Variants in NLGN4X observed in about 807,000 individuals in gnomAD.
NLGN4X encodes neuroligin-4, X-linked.
Under a neutral mutation model 40.3 loss-of-function variants are expected in NLGN4X, and 3 were observed. The observed-to-expected ratio is 0.07, with a 90% CI of 0.03 to 0.19. The LOEUF (loss-of-function observed/expected upper bound fraction) is 0.19, where lower values mean the gene tolerates loss of function less well. NLGN4X is among the 10% of genes least tolerant of loss of function. NLGN4X has a pLI of 1.00. For synonymous variants in NLGN4X, 270 were observed against 306.8 expected, an observed-to-expected ratio of 0.88 and a Z score of 1.25; for missense variants, 382 against 708.3, an observed-to-expected ratio of 0.54 and a Z score of 5.23.
intron 5 of NLGN4X, 55 bp downstream of exon 5, chrX:5,903,022 G>T: frequency 8.4e-7 from 1 of 1,188,532 alleles, no homozygotes; most frequent in African/African-American, 1.7e-5. Context: ...CACCTATATT[G>T]AGGACACAAA....
chrX:6,110,766 CTAACAAA>C (rs1305759204), intron 2 of NLGN4X, among the ~76,000 whole-genome samples: 1 of 111,834 alleles, frequency 8.9e-6, no homozygotes, highest in Non-Finnish European at 1.9e-5. Context: ...GAGACTCTGG[CTAACAAA>C]TTTTTGAGTG....
intron 3 of NLGN4X, among the ~76,000 whole-genome samples, chrX:6,004,549 G>T (rs1378719167): frequency 8.9e-6 from 1 of 112,055 alleles, no homozygotes; most frequent in Non-Finnish European, 1.9e-5. Flanking sequence ...GAGAGGAAAT[G>T]AAAACGAAAT....
At chrX:6,057,687 T>C (rs1297669240) in intron 2 of NLGN4X, among the ~76,000 whole-genome samples, 1 of 112,063 alleles carries the variant, frequency 8.9e-6, no homozygotes, top group Non-Finnish European at 1.9e-5. Context: ...TTTAGCTTGA[T>C]AAATCTCCAT....
intron 2 of NLGN4X, among the ~76,000 whole-genome samples, chrX:6,134,563 T>G (rs1211031348): frequency 8.9e-6 from 1 of 112,365 alleles, no homozygotes. Flanking sequence ...TGGAACAACA[T>G]TTAGCAAAGT....
In NLGN4X at chrX:5,976,559, T is replaced by C. The variant is rs758073509; in HGVS notation, c.625+52721A>G. Among the ~76,000 whole-genome samples, 21 of 112,272 alleles carry C rather than the reference T, an allele frequency of 1.9e-4. No individual in the cohort carries two copies. In the South Asian group the frequency reaches 6.7e-3, roughly 36 times the overall value. On this transcript the variant is annotated intron_variant, in intron 3 of 5. Transcript: ENST00000381095. ...TCTGCTCTGAAGACTCTTACCCTTT[T>C]GTTAATGTGTCTTTCTGCTCTAGTG...
intron 4 of NLGN4X, among the ~76,000 whole-genome samples, chrX:5,907,873 G>T: frequency 9.3e-6 from 1 of 107,305 alleles, no homozygotes. Context: ...AGGAGAAGAA[G>T]AAAGGGAGGG....
intron 2 of NLGN4X, among the ~76,000 whole-genome samples, chrX:6,052,722 T>C (rs2037523777): frequency 8.9e-6 from 1 of 112,395 alleles, no homozygotes; most frequent in South Asian, 3.7e-4. Flanking sequence ...GAAGCCCCTA[T>C]TGGGATTAAA....
At chrX:6,018,436 A>C (rs1376337817) in intron 3 of NLGN4X, among the ~76,000 whole-genome samples, 11 of 112,008 alleles carry the variant, frequency 9.8e-5, no homozygotes, top group African/African-American at 3.6e-4. Flanking sequence ...CTTGTGTACA[A>C]ATCGTAGTGT....
At chrX:6,125,561 T>C (rs2039524817) in intron 2 of NLGN4X, among the ~76,000 whole-genome samples, 1 of 110,448 alleles carries the variant, frequency 9.1e-6, no homozygotes, top group Non-Finnish European at 1.9e-5. Flanking sequence ...ACTATTTTAA[T>C]AGTATAAGCC....
chrX:6,222,143 T>C (rs772771698), intron 1 of NLGN4X, among the ~76,000 whole-genome samples: 3 of 111,399 alleles, frequency 2.7e-5, no homozygotes, highest in African/African-American at 9.8e-5. Context: ...AAAGGTGCCC[T>C]TAGCAAAATC....
At chrX:6,059,774 A>G (rs2037724765) in intron 2 of NLGN4X, among the ~76,000 whole-genome samples, 1 of 111,886 alleles carries the variant, frequency 8.9e-6, no homozygotes, top group African/African-American at 3.3e-5. Context: ...TGAGAAAAAT[A>G]CATTTTAGCT....
intron 3 of NLGN4X, among the ~76,000 whole-genome samples, chrX:6,028,299 A>G (rs1462236501): frequency 8.9e-6 from 1 of 111,884 alleles, no homozygotes; most frequent in Non-Finnish European, 1.9e-5. Context: ...AACACCAGGA[A>G]AGGCCATCTC....
intron 3 of NLGN4X, among the ~76,000 whole-genome samples, chrX:5,974,211 A>AT (rs2035109473): frequency 2.7e-5 from 3 of 112,161 alleles, no homozygotes; most frequent in Non-Finnish European, 5.6e-5. Context: ...GTTATATTGG[A>AT]TTTTTTAAAC....
chrX:6,218,474 C>CTACA (rs1556012458), intron 1 of NLGN4X, among the ~76,000 whole-genome samples: 11,902 of 46,861 alleles, frequency 0.25, 672 homozygotes, highest in African/African-American at 0.42. Flanking sequence ...GAGATTAAAC[C>CTACA]CACACACACA....
At chrX:5,978,336 CTTT>C (rs773404333) in intron 3 of NLGN4X, among the ~76,000 whole-genome samples, 1,509 of 21,000 alleles carry the variant, frequency 0.072, 61 homozygotes, top group Middle Eastern at 0.18. Context: ...TTCTTTCTTT[CTTT>C]CTTTCCCTTC....
chrX:6,067,764 T>C (rs1036658492), intron 2 of NLGN4X, among the ~76,000 whole-genome samples: 1 of 111,293 alleles, frequency 9.0e-6, no homozygotes, highest in African/African-American at 3.3e-5. Context: ...TGGATGTAAA[T>C]GGCATGCCAG....
intron 1 of NLGN4X, among the ~76,000 whole-genome samples, chrX:6,196,393 T>C (rs1923059813): frequency 9.2e-6 from 1 of 108,659 alleles, no homozygotes; most frequent in Non-Finnish European, 1.9e-5. Flanking sequence ...CTACTAAAAA[T>C]ACAAAACAAT....
chrX:6,005,098 G>A (rs12835456), intron 3 of NLGN4X, among the ~76,000 whole-genome samples: 27,550 of 111,335 alleles, frequency 0.25, 2,971 homozygotes, highest in African/African-American at 0.42. Context: ...TCTTTCAATT[G>A]TATTTTACCT....
At chrX:6,028,495 T>A (rs1260462899) in intron 3 of NLGN4X, among the ~76,000 whole-genome samples, 1 of 109,266 alleles carries the variant, frequency 9.2e-6, no homozygotes, top group African/African-American at 3.3e-5. Context: ...CCTGTCTCTA[T>A]TAAAAACACA....
Sources: allele counts gnomAD v4.1 joint callset (sites outside exome capture counted in the v4.1 genomes callset), GRCh38; gene constraint gnomAD v4.1.1; transcripts MANE v1.5; gene names NCBI Gene and HGNC (gene_info 2026-07-23, HGNC 2026-07-21).